The following CC2D2A variants were observed in gnomAD, a reference collection of about 807,000 sequenced individuals.
CC2D2A encodes coiled-coil and C2 domain-containing protein 2A.
CC2D2A carries 155 observed loss-of-function variants against 212.9 expected under a neutral mutation model. The observed-to-expected ratio is 0.73, with a 90% CI of 0.64 to 0.83. The LOEUF is 0.83. Among genes scored for constraint, CC2D2A ranks in the 40% least tolerant of loss-of-function variants. CC2D2A has a pLI of 0.00. For synonymous variants in CC2D2A, 667 were observed against 686.5 expected (o/e 0.97, Z 0.44); for missense variants, 1,856 against 1,956.2 (o/e 0.95, Z 0.97).
chr4:15,480,896 T>C, intron 4 of CC2D2A, 69 bp downstream of exon 4: 6 of 1,532,724 alleles, frequency 3.9e-6, no homozygotes, highest in Non-Finnish European at 5.3e-6. Context: ...CAGAGCAGTA[T>C]AGGGATTTTT....
At chr4:15,530,186 T>C (rs1717769998) in intron 13 of CC2D2A, among the ~76,000 whole-genome samples, 1 of 152,142 alleles carries the variant, frequency 6.6e-6, no homozygotes, top group African/African-American at 2.4e-5. Flanking sequence ...TTAGCCAAGA[T>C]GGTCTAGATC....
intron 36 of CC2D2A, among the ~76,000 whole-genome samples, chr4:15,600,903 C>CAAA (rs5856308): frequency 0.067 from 6,206 of 92,430 alleles, 278 homozygotes; most frequent in East Asian, 0.21. Flanking sequence ...AGACCTGTCT[C>CAAA]AAAAAAAAAA....
chr4:15,478,226 T>G (rs1372095207), intron 2 of CC2D2A, among the ~76,000 whole-genome samples: 1 of 152,262 alleles, frequency 6.6e-6, no homozygotes. Context: ...TCCTTTAACT[T>G]GAAGCATTTG....
At chr4:15,529,227 A>T (rs190680301) in intron 13 of CC2D2A, among the ~76,000 whole-genome samples, 61 of 152,266 alleles carry the variant, frequency 4.0e-4, no homozygotes, top group Middle Eastern at 3.4e-3. Context: ...CAAAAAGTTT[A>T]AAAAATTAGC....
chr4:15,516,635 G>T lies in CC2D2A; in HGVS notation c.1028G>T (p.Trp343Leu). 1.2e-6 allele frequency: 2 copies of T among 1,612,086 alleles called. No homozygotes were observed. The highest frequency in any genetic ancestry group is 1.7e-4 in the Middle Eastern group (1 of 6,056). Residue 343 changes from tryptophan to leucine, a missense_variant, in exon 11 of 37, where the codon TGG becomes TTG. Trp to Leu is a moderately conservative substitution (Grantham distance 61). Coordinates refer to ENST00000424120, the MANE Select transcript of CC2D2A (RefSeq NM_001378615.1). Reference protein sequence around the residue: ...RLLMQDPERRWFGDDGRILAL... With the variant: ...RLLMQDPERRLFGDDGRILAL... ...CTGCTTCATCTACAGGAAAGAAGATGGTTTGGAGATGACGGCAGGATCCTA... is the reference window on the plus strand; with the variant it reads ...CTGCTTCATCTACAGGAAAGAAGATTGTTTGGAGATGACGGCAGGATCCTA...
At chr4:15,537,154 G>A (rs1718177076) in intron 15 of CC2D2A, 78 bp downstream of exon 15, 1 of 1,335,428 alleles carries the variant, frequency 7.5e-7, no homozygotes. Context: ...ACAGGAGTGG[G>A]GAAACCAGAC....
intron 17 of CC2D2A, 134 bp downstream of exon 17, chr4:15,541,148 C>T: frequency 1.6e-6 from 1 of 617,750 alleles, no homozygotes; most frequent in Non-Finnish European, 2.6e-6. Flanking sequence ...CACATCTCTA[C>T]TGTAAATACA....
chr4:15,516,318 G>A (rs1352836333), intron 10 of CC2D2A, among the ~76,000 whole-genome samples: 1 of 151,852 alleles, frequency 6.6e-6, no homozygotes, highest in African/African-American at 2.4e-5. Context: ...TTTCACTTTT[G>A]AGTTTTTATT....
intron 13 of CC2D2A, among the ~76,000 whole-genome samples, chr4:15,532,367 G>A (rs1055285372): frequency 5.9e-5 from 9 of 152,210 alleles, no homozygotes; most frequent in African/African-American, 2.2e-4. Flanking sequence ...TCCAGACTTA[G>A]GCCTGCCTTC....
At position 15,516,620 on chromosome 4, in the gene CC2D2A, T is replaced by A; in HGVS notation, c.1018-5T>A. ...ATGTTGCCATTCCCTCTGCTTCATC[T>A]ACAGGAAAGAAGATGGTTTGGAGAT... On this transcript the variant is annotated splice_region_variant and splice_polypyrimidine_tract_variant and intron_variant, in intron 10 of 36. Transcript: ENST00000424120. 6.2e-7 allele frequency: 1 copy of A among 1,610,634 alleles called. No homozygotes were observed. Among genetic ancestry groups the A allele is most frequent in the Non-Finnish European group, 8.5e-7 (1 of 1,178,340 alleles).
At position 15,537,944 on chromosome 4, in the gene CC2D2A, G is replaced by A. The variant is rs747935651; in HGVS notation, c.1810G>A (p.Gly604Ser). 43 of 1,609,108 alleles carry A rather than the reference G, an allele frequency of 2.7e-5. 1 individual carries two copies. Among genetic ancestry groups the A allele is most frequent in the South Asian group, 1.0e-4 (9 of 89,846 alleles). Residue 604 changes from glycine to serine, a missense_variant, in exon 16 of 37, where the codon GGT (glycine) becomes AGT (serine). Physicochemically the swap from Gly to Ser is moderately conservative, Grantham distance 56. Coordinates refer to ENST00000424120, the MANE Select transcript of CC2D2A (RefSeq NM_001378615.1). ...KRKQAAEEHPGDEIAEPYPEE... is the reference protein window; with the variant it reads ...KRKQAAEEHPSDEIAEPYPEE... ...GAAACAAGCAGCAGAAGAACATCCC[G>A]GTGATGAGATTGCAGAGCCGTATCC...
At chr4:15,572,143 T>C (rs1310239090) in intron 28 of CC2D2A, among the ~76,000 whole-genome samples, 1 of 152,206 alleles carries the variant, frequency 6.6e-6, no homozygotes, top group African/African-American at 2.4e-5. Context: ...CAATATTTAT[T>C]AGGTGCATAT....
chr4:15,472,147 A>G (rs9990934), intron 1 of CC2D2A, among the ~76,000 whole-genome samples: 117,256 of 152,100 alleles, frequency 0.77, 45,558 homozygotes, highest in Non-Finnish European at 0.81. Context: ...GGGAGGACTC[A>G]GGAATCACAG....
chr4:15,508,527 C>G (rs1015710436), intron 6 of CC2D2A, among the ~76,000 whole-genome samples: 2 of 152,214 alleles, frequency 1.3e-5, no homozygotes, highest in South Asian at 2.1e-4. Flanking sequence ...ATTTGATGCT[C>G]TACTCAAGTG....
At chr4:15,545,930 G>A (rs917236806) in intron 17 of CC2D2A, among the ~76,000 whole-genome samples, 5 of 151,964 alleles carry the variant, frequency 3.3e-5, no homozygotes, top group African/African-American at 1.2e-4. Flanking sequence ...GCAACCTAGC[G>A]AGACCCCATC....
At chr4:15,562,892 T>C (rs1035961065) in intron 23 of CC2D2A, among the ~76,000 whole-genome samples, 1 of 152,198 alleles carries the variant, frequency 6.6e-6, no homozygotes, top group Non-Finnish European at 1.5e-5. Flanking sequence ...CTCAAGAGGT[T>C]TGGAAGAGAG....
chr4:15,597,578 A>G (rs945235005), intron 35 of CC2D2A, 113 bp downstream of exon 35: 3 of 809,316 alleles, frequency 3.7e-6, no homozygotes, highest in Non-Finnish European at 6.2e-6. Context: ...CTTAACTTTA[A>G]TTCATGTTTA....
chr4:15,478,941 G>A, intron 3 of CC2D2A, 135 bp downstream of exon 3: 1 of 737,656 alleles, frequency 1.4e-6, no homozygotes, highest in Non-Finnish European at 2.3e-6. Flanking sequence ...CTGGGGGGCT[G>A]TGAGGCGGGG....
chr4:15,478,573 G>C, intron 2 of CC2D2A, 150 bp from the exon 3 acceptor site: 1 of 621,204 alleles, frequency 1.6e-6, no homozygotes, highest in Non-Finnish European at 2.9e-6. Flanking sequence ...TGGATGATGA[G>C]AGCCGCACAG....
Sources: allele counts gnomAD v4.1 joint callset (sites outside exome capture counted in the v4.1 genomes callset), GRCh38; gene constraint gnomAD v4.1.1; transcripts MANE v1.5; gene names NCBI Gene and HGNC (gene_info 2026-07-23, HGNC 2026-07-21).